Variants in SMAGP observed in about 807,000 individuals in gnomAD.
SMAGP encodes small cell transmembrane and glycosylated protein.
A neutral mutation model predicts 10.1 loss-of-function variants in SMAGP; 7 were observed. That is an observed-to-expected ratio of 0.70 (90% CI 0.40 to 1.31). The LOEUF is 1.31. Among genes scored for constraint, SMAGP ranks in the 50% most tolerant of loss-of-function variants. The probability of loss-of-function intolerance (pLI) is 0.01; values close to 1 mark genes in which losing one functional copy is unlikely to be tolerated. For synonymous variants in SMAGP, 49 were observed against 47.2 expected (o/e 1.04, Z -0.16); for missense variants, 113 against 116.5 (o/e 0.97, Z 0.14).
At position 51,246,846 on chromosome 12, in the gene SMAGP, A is replaced by G. The variant is rs754132797; in HGVS notation, c.35-15T>C. 1.9e-6 allele frequency: 3 copies of G among 1,539,452 alleles called. No homozygotes were observed. The East Asian group carries it at 7.3e-5, about 37-fold the overall frequency. On this transcript the variant is annotated splice_polypyrimidine_tract_variant and intron_variant, in intron 2 of 3. Coordinates refer to ENST00000603798, the MANE Select transcript of SMAGP (RefSeq NM_001031628.2). ...CATCAGTTCTTCTGGAAAATGTAGA[A>G]AAGTGGAAAAGGAAATGGAGTGAAT... is the stretch of plus-strand genomic sequence containing the variant.
At chr12:51,270,027 TCCCCGC>T (rs879378845) in intron 1 of SMAGP, 4 of 151,184 alleles carry the variant, frequency 2.6e-5, no homozygotes, top group East Asian at 3.9e-4. Flanking sequence ...CCCGCCCCCG[TCCCCGC>T]CCCCGCCCCG....
rs772205651 is a variant in SMAGP, at chr12:51,269,217, A to G, written c.34+28T>C. 51 of 1,613,360 alleles carry G rather than the reference A, an allele frequency of 3.2e-5. No homozygotes were observed. The South Asian group carries it at 4.2e-4, about 13-fold the overall frequency. On this transcript the variant is annotated intron_variant, in intron 2 of 3. Transcript: ENST00000603798. ...AGGGGATGTTGAACAATTCTTTCTC[A>G]CTGGGATTAGGAAAGGCCTTCACCT...
intron 2 of SMAGP, among the ~76,000 whole-genome samples, chr12:51,261,025 G>A (rs1397253265): frequency 1.3e-5 from 2 of 150,998 alleles, no homozygotes; most frequent in African/African-American, 2.4e-5. Flanking sequence ...TCCTGATCTC[G>A]TGATACACCT....
intron 2 of SMAGP, among the ~76,000 whole-genome samples, chr12:51,254,049 TAG>T (rs550541715): frequency 8.3e-4 from 126 of 152,302 alleles, no homozygotes; most frequent in South Asian, 4.8e-3. Context: ...TTAATGAGTA[TAG>T]AGTTTTAGTT....
At chr12:51,256,741 C>CA (rs10660612) in intron 2 of SMAGP, among the ~76,000 whole-genome samples, 22,988 of 145,720 alleles carry the variant, frequency 0.16, 3,439 homozygotes, top group African/African-American at 0.37. Flanking sequence ...AACAAACAAA[C>CA]AAAAAAAACA....
chr12:51,256,277 G>A (rs537060070), intron 2 of SMAGP, among the ~76,000 whole-genome samples: 2 of 152,168 alleles, frequency 1.3e-5, no homozygotes, highest in African/African-American at 4.8e-5. Flanking sequence ...AGATATCAAA[G>A]TTCAGATATG....
chr12:51,264,800 C>A (rs893041848), intron 2 of SMAGP, among the ~76,000 whole-genome samples: 1 of 151,370 alleles, frequency 6.6e-6, no homozygotes, highest in South Asian at 2.1e-4. Context: ...GGTGTGGCAG[C>A]GTGTGCCTGT....
intron 2 of SMAGP, among the ~76,000 whole-genome samples, chr12:51,256,248 A>T (rs1287579519): frequency 6.6e-6 from 1 of 152,100 alleles, no homozygotes; most frequent in Non-Finnish European, 1.5e-5. Flanking sequence ...CAAATTTGGA[A>T]GAAACATGAT....
chr12:51,256,748 A>AAC (rs1394102314), intron 2 of SMAGP, among the ~76,000 whole-genome samples: 1 of 145,150 alleles, frequency 6.9e-6, no homozygotes, highest in East Asian at 2.0e-4. Flanking sequence ...AAACAAAAAA[A>AAC]ACACAAACAA....
chr12:51,258,094 G>A lies in SMAGP; in HGVS notation c.34+11151C>T, dbSNP rs1269072921. ...AGGTGGGAGGATTCCTTGAGCCCAG[G>A]AGTTCAAGGCTGCAGTGAGCTATGA... On this transcript the variant is annotated intron_variant, in intron 2 of 3. Transcript: ENST00000603798. Among the ~76,000 whole-genome samples the A allele has an allele frequency of 3.3e-5, 5 of 152,258 alleles. No homozygotes were observed. In the South Asian group the frequency reaches 6.2e-4, roughly 19 times the overall value.
intron 2 of SMAGP, among the ~76,000 whole-genome samples, chr12:51,267,077 C>G (rs1944980849): frequency 6.6e-6 from 1 of 152,166 alleles, no homozygotes; most frequent in African/African-American, 2.4e-5. Context: ...AATTAAGCCA[C>G]TGTACTCCAG....
chr12:51,260,752 C>T (rs1452724240), intron 2 of SMAGP, among the ~76,000 whole-genome samples: 2 of 131,980 alleles, frequency 1.5e-5, no homozygotes, highest in Non-Finnish European at 3.1e-5. Flanking sequence ...GCGGCGTGAT[C>T]TCGGCTCACT....
intron 3 of SMAGP, 196 bp from the exon 4 acceptor site, chr12:51,246,315 C>T (rs1241996295): frequency 1.4e-6 from 1 of 725,950 alleles, no homozygotes; most frequent in Non-Finnish European, 2.2e-6. Context: ...TCTCCTGGTG[C>T]TTAAGCTAAG....
chr12:51,248,316 CTT>C (rs975428199), intron 2 of SMAGP, among the ~76,000 whole-genome samples: 3 of 151,958 alleles, frequency 2.0e-5, no homozygotes, highest in African/African-American at 7.3e-5. Context: ...CAGGCCAAAC[CTT>C]TCTCTCTGGT....
At chr12:51,250,134 C>T (rs1282328244) in intron 2 of SMAGP, among the ~76,000 whole-genome samples, 1 of 148,088 alleles carries the variant, frequency 6.8e-6, no homozygotes, top group Non-Finnish European at 1.5e-5. Context: ...CTTTGGGAGA[C>T]CAAGGTGGGA....
intron 2 of SMAGP, among the ~76,000 whole-genome samples, chr12:51,250,719 T>C (rs1944829945): frequency 6.6e-6 from 1 of 152,114 alleles, no homozygotes; most frequent in South Asian, 2.1e-4. Context: ...GGGAGTGTGG[T>C]GTACAGCTTC....
intron 2 of SMAGP, 104 bp from the exon 3 acceptor site, chr12:51,246,935 A>C: frequency 1.4e-6 from 1 of 735,088 alleles, no homozygotes; most frequent in Admixed American, 3.5e-5. Context: ...TCCCTATTCA[A>C]AAGTTTATCA....
chr12:51,245,134 G>C lies in SMAGP; in HGVS notation c.*807C>G, dbSNP rs1334832786. The C allele has an allele frequency of 6.6e-6, 1 of 152,040 alleles. No individual in the cohort carries two copies. The highest frequency in any genetic ancestry group is 1.5e-5 in the Non-Finnish European group (1 of 68,032). 9.4% of individuals were successfully genotyped at this position (152,040 alleles called of 1,614,324 possible). A position where few individuals can be genotyped will look rare whatever the true frequency, so the allele number is the denominator to read the frequency against. ...GAGCCACCGAACCCGGCCCTCCCAG[G>C]GTATGTTTCTAATGATGTTCCCCTG... On this transcript the variant is annotated 3_prime_UTR_variant, in exon 4 of 4. Transcript: ENST00000603798.
At chr12:51,260,341 A>C (rs994851465) in intron 2 of SMAGP, among the ~76,000 whole-genome samples, 1 of 149,960 alleles carries the variant, frequency 6.7e-6, no homozygotes, top group South Asian at 2.1e-4. Context: ...ACAGGTGTGC[A>C]CCAGCACAGC....
Sources: gnomAD v4.1 joint callset for allele counts (sites outside exome capture counted in the v4.1 genomes callset) on GRCh38, gnomAD v4.1.1 for gene constraint, MANE v1.5 for transcripts, NCBI Gene and HGNC (gene_info 2026-07-23, HGNC 2026-07-21) for gene names.